Variants in AFG1L observed in about 807,000 individuals in gnomAD.
AFG1L encodes AFG1 like ATPase.
In AFG1L, 53 loss-of-function variants were observed where a neutral mutation model predicts 62.2. The ratio of observed to expected loss-of-function variants is 0.85; its 90% CI spans 0.68 to 1.07. The LOEUF (loss-of-function observed/expected upper bound fraction) is 1.07. Ranked by LOEUF, AFG1L falls within the 50% of genes least tolerant of loss-of-function variation. The pLI, the probability that AFG1L is intolerant of heterozygous loss-of-function variation, is 0.00. For synonymous variants in AFG1L, 228 were observed against 210.3 expected (o/e 1.08, Z -0.73); for missense variants, 555 against 590.5 (o/e 0.94, Z 0.62).
chr6:108,492,852 A>G (rs1773825823), intron 10 of AFG1L, among the ~76,000 whole-genome samples: 1 of 152,166 alleles, frequency 6.6e-6, no homozygotes, highest in Non-Finnish European at 1.5e-5. Flanking sequence ...TGAATTGTAC[A>G]TGTTTAACAG....
At chr6:108,494,450 A>C (rs1238615780) in intron 10 of AFG1L, among the ~76,000 whole-genome samples, 3 of 150,944 alleles carry the variant, frequency 2.0e-5, no homozygotes, top group Non-Finnish European at 3.0e-5. Flanking sequence ...ACCCCGCAAA[A>C]AAATACTGTA....
At chr6:108,336,175 G>T (rs141250481) in intron 2 of AFG1L, among the ~76,000 whole-genome samples, 7 of 152,264 alleles carry the variant, frequency 4.6e-5, no homozygotes, top group African/African-American at 1.7e-4. Flanking sequence ...TCCATGTTGA[G>T]AATGCTATAA....
chr6:108,464,033 A>C (rs1341376977), intron 8 of AFG1L, among the ~76,000 whole-genome samples: 2 of 152,178 alleles, frequency 1.3e-5, no homozygotes, highest in African/African-American at 4.8e-5. Flanking sequence ...TTCTGCGTCG[A>C]ATCAACTTTG....
intron 6 of AFG1L, among the ~76,000 whole-genome samples, chr6:108,385,685 C>T (rs191421519): frequency 1.2e-4 from 19 of 152,230 alleles, no homozygotes; most frequent in Non-Finnish European, 2.2e-4. Context: ...TCTCCACAAG[C>T]GAGCTGGTCT....
intron 5 of AFG1L, 119 bp downstream of exon 5, chr6:108,356,939 G>C: frequency 1.1e-6 from 1 of 884,930 alleles, no homozygotes; most frequent in Non-Finnish European, 1.7e-6. Flanking sequence ...ATCTCTTACT[G>C]CTTCAATTTT....
At chr6:108,516,094 C>G (rs562341872) in intron 11 of AFG1L, among the ~76,000 whole-genome samples, 1 of 152,190 alleles carries the variant, frequency 6.6e-6, no homozygotes, top group Admixed American at 6.5e-5. Context: ...TGGTACCATT[C>G]CTTCTGAAAC....
chr6:108,342,392 A>C (rs1007102338), intron 2 of AFG1L, among the ~76,000 whole-genome samples: 1 of 152,212 alleles, frequency 6.6e-6, no homozygotes, highest in African/African-American at 2.4e-5. Context: ...ATAGGGAATT[A>C]AATTTAAGGA....
intron 6 of AFG1L, among the ~76,000 whole-genome samples, chr6:108,379,138 G>A (rs534307856): frequency 6.6e-6 from 1 of 151,458 alleles, no homozygotes; most frequent in Non-Finnish European, 1.5e-5. Context: ...AGCCTCCTGA[G>A]TAGCTGGGAT....
At chr6:108,350,903 T>C (rs1779054341) in intron 3 of AFG1L, among the ~76,000 whole-genome samples, 1 of 152,220 alleles carries the variant, frequency 6.6e-6, no homozygotes, top group Non-Finnish European at 1.5e-5. Flanking sequence ...GGCTTGGATG[T>C]AGGGATACAT....
At chr6:108,425,886 T>C (rs1441344776) in intron 7 of AFG1L, among the ~76,000 whole-genome samples, 1 of 152,194 alleles carries the variant, frequency 6.6e-6, no homozygotes, top group Non-Finnish European at 1.5e-5. Flanking sequence ...GCTTAAAATT[T>C]ACTCTTCAGA....
intron 2 of AFG1L, chr6:108,345,007 C>T (rs2114409252): frequency 3.1e-6 from 1 of 321,138 alleles, no homozygotes; most frequent in East Asian, 9.7e-5. Context: ...CTCAGGGGCC[C>T]TCTACATTTC....
chr6:108,513,073 A>G (rs1431581522), intron 11 of AFG1L, among the ~76,000 whole-genome samples: 1 of 152,238 alleles, frequency 6.6e-6, no homozygotes, highest in African/African-American at 2.4e-5. Flanking sequence ...AAAGATAGCT[A>G]TGAATCCTGA....
intron 7 of AFG1L, among the ~76,000 whole-genome samples, chr6:108,418,780 A>G (rs1343050353): frequency 6.6e-6 from 1 of 152,230 alleles, no homozygotes; most frequent in East Asian, 1.9e-4. Flanking sequence ...CATTCACTGA[A>G]CAATATTTAT....
intron 7 of AFG1L, among the ~76,000 whole-genome samples, chr6:108,407,449 T>C (rs532709264): frequency 1.3e-5 from 2 of 152,168 alleles, no homozygotes; most frequent in East Asian, 3.9e-4. Flanking sequence ...CAGGCCAACA[T>C]GGGAGAATCG....
intron 2 of AFG1L, among the ~76,000 whole-genome samples, chr6:108,342,888 C>T (rs957022897): frequency 7.2e-5 from 11 of 151,888 alleles, no homozygotes; most frequent in Admixed American, 4.6e-4. Flanking sequence ...GTTTGAGGAT[C>T]TTTTCTTTGG....
intron 6 of AFG1L, among the ~76,000 whole-genome samples, chr6:108,378,590 A>T (rs943923730): frequency 1.3e-5 from 2 of 152,266 alleles, no homozygotes; most frequent in South Asian, 4.1e-4. Context: ...AAGTGCTGGG[A>T]TTACAGGCAT....
chr6:108,412,832 C>A (rs1782176849), intron 7 of AFG1L, among the ~76,000 whole-genome samples: 1 of 152,172 alleles, frequency 6.6e-6, no homozygotes. Flanking sequence ...TAAAGACCAT[C>A]AAGGCTAGGA....
At chr6:108,312,766 GT>G (rs994169653) in intron 1 of AFG1L, among the ~76,000 whole-genome samples, 1 of 148,258 alleles carries the variant, frequency 6.7e-6, no homozygotes, top group Admixed American at 6.8e-5. Context: ...TTCCCCTTAT[GT>G]TTTTTTTTTG....
At chr6:108,355,885 T>C in intron 4 of AFG1L, 130 bp downstream of exon 4, 1 of 687,120 alleles carries the variant, frequency 1.5e-6, no homozygotes, top group Non-Finnish European at 2.5e-6. Context: ...TTGGTTCCAT[T>C]TGTTTTGTGC....
Sources: allele counts gnomAD v4.1 joint callset (sites outside exome capture counted in the v4.1 genomes callset), GRCh38; gene constraint gnomAD v4.1.1; transcripts MANE v1.5; gene names NCBI Gene and HGNC (gene_info 2026-07-23, HGNC 2026-07-21).